The following MIPEP variants were observed in gnomAD, a reference collection of about 807,000 sequenced individuals.
MIPEP encodes the protein mitochondrial intermediate peptidase.
MIPEP carries 79 observed loss-of-function variants against 90.3 expected under a neutral mutation model. That is an observed-to-expected ratio of 0.87 (90% confidence interval 0.73 to 1.05). The LOEUF (loss-of-function observed/expected upper bound fraction) is 1.05. Among genes scored for constraint, MIPEP ranks in the 50% least tolerant of loss-of-function variants. MIPEP has a pLI of 0.00. For missense variants in MIPEP, 940 were observed against 905.6 expected, an observed-to-expected ratio of 1.04 and a Z score of -0.49; for synonymous variants, 334 against 315.8, an observed-to-expected ratio of 1.06 and a Z score of -0.61.
rs188946531 is a variant in MIPEP at position 23,795,937 on chromosome 13, A to G, written c.1848+10013T>C. Among the ~76,000 whole-genome samples the G allele has an allele frequency of 1.2e-4, 18 of 152,118 alleles. No individual in the cohort carries two copies. In the Middle Eastern group the frequency reaches 0.014, roughly 116 times the overall value. On this transcript the variant is annotated intron_variant, in intron 16 of 18. Transcript: ENST00000382172. ...GTTGAGCCTTGAGGTTAAGGCTGCAATGAGCCATAATCATGCCAATGCACT... is the reference window on the plus strand; with the variant it reads ...GTTGAGCCTTGAGGTTAAGGCTGCAGTGAGCCATAATCATGCCAATGCACT...
rs185479403 is a variant in MIPEP at position 23,888,376 on chromosome 13, G to C, written c.189+756C>G. ...AGACTTGTCTTTATAAGGCAATACA[G>C]TATAACGAAATTTTAAAAGGCAAAA... On this transcript the variant is annotated intron_variant, in intron 1 of 18. Transcript: ENST00000382172. Among the ~76,000 whole-genome samples, 17 of 152,248 alleles carry C rather than the reference G, an allele frequency of 1.1e-4. No homozygotes were observed. In the East Asian group the frequency reaches 2.7e-3, roughly 24 times the overall value.
At chr13:23,858,951 C>G in intron 9 of MIPEP, 39 bp from the exon 10 acceptor site, 1 of 1,573,930 alleles carries the variant, frequency 6.4e-7, no homozygotes, top group South Asian at 1.1e-5. Context: ...AAGCTACTGA[C>G]TCTTTCATAG....
At position 23,809,894 on chromosome 13, in the gene MIPEP, A is replaced by G. The variant is rs1323014149; in HGVS notation, c.1684T>C (p.Cys562Arg). Reference sequence around the variant, plus strand: ...GCAGCACAAACCTTTTTAGATTCACAAAGACGAGACACCATATTTTTTGGC... The same window carrying G: ...GCAGCACAAACCTTTTTAGATTCACGAAGACGAGACACCATATTTTTTGGC... ...PLPKNMVSRL[C>R]ESKKVCAAAD... Residue 562 changes from cysteine to arginine, a missense_variant, in exon 15 of 19, where the codon TGT becomes CGT. Transcript: ENST00000382172. 2.5e-6 allele frequency: 4 copies of G among 1,613,710 alleles called. No homozygotes were observed. Among genetic ancestry groups the G allele is most frequent in the Non-Finnish European group, 3.4e-6 (4 of 1,179,730 alleles).
intron 10 of MIPEP, among the ~76,000 whole-genome samples, chr13:23,849,008 T>G (rs942793031): frequency 2.0e-5 from 3 of 152,176 alleles, no homozygotes; most frequent in African/African-American, 7.2e-5. Flanking sequence ...GTGACTGCTG[T>G]GCTCTCAGCT....
In MIPEP at chr13:23,760,095, C is replaced by G; in HGVS notation, c.1970+1G>C. 6.2e-7 allele frequency: 1 copy of G among 1,614,110 alleles called. No individual in the cohort carries two copies. The highest frequency in any genetic ancestry group is 8.5e-7 in the Non-Finnish European group (1 of 1,179,992). Reference sequence around the variant, plus strand: ...GGACATTTTAGAACTTACCCCCTTACCTGTTGAAAGGATCCTGTAGAAAAC... The same window carrying G: ...GGACATTTTAGAACTTACCCCCTTAGCTGTTGAAAGGATCCTGTAGAAAAC... On this transcript the variant is annotated splice_donor_variant, in intron 17 of 18. Transcript: ENST00000382172. LOFTEE classifies it high-confidence loss of function.
At chr13:23,809,447 C>A (rs4770497) in intron 15 of MIPEP, among the ~76,000 whole-genome samples, 92,848 of 151,494 alleles carry the variant, frequency 0.61, 29,820 homozygotes, top group East Asian at 0.77. Context: ...CAGGTTCAAG[C>A]GATTCTCCTG....
At chr13:23,866,649 T>C (rs1023571636) in intron 7 of MIPEP, among the ~76,000 whole-genome samples, 1 of 152,186 alleles carries the variant, frequency 6.6e-6, no homozygotes, top group Non-Finnish European at 1.5e-5. Context: ...CAGCGTTAAC[T>C]AGCAGTTCCT....
chr13:23,795,665 T>C (rs1040050218), intron 16 of MIPEP, among the ~76,000 whole-genome samples: 2 of 152,218 alleles, frequency 1.3e-5, no homozygotes, highest in South Asian at 2.1e-4. Flanking sequence ...TACACTTTTA[T>C]ATTAACAACT....
chr13:23,850,432 T>C (rs1027106032), intron 10 of MIPEP, among the ~76,000 whole-genome samples: 2 of 152,198 alleles, frequency 1.3e-5, no homozygotes, highest in African/African-American at 2.4e-5. Flanking sequence ...GAATCCACCA[T>C]TGCTAATTTG....
At chr13:23,779,318 T>C (rs1593149203) in intron 16 of MIPEP, among the ~76,000 whole-genome samples, 1 of 152,276 alleles carries the variant, frequency 6.6e-6, no homozygotes, top group East Asian at 1.9e-4. Context: ...ATAGTATGTT[T>C]TCATTAGAAT....
chr13:23,771,209 G>A (rs1593144324), intron 16 of MIPEP, among the ~76,000 whole-genome samples: 1 of 152,182 alleles, frequency 6.6e-6, no homozygotes, highest in African/African-American at 2.4e-5. Context: ...GCTATGGCAT[G>A]GGCTAAAGGA....
At chr13:23,801,298 C>T (rs1274794040) in intron 16 of MIPEP, among the ~76,000 whole-genome samples, 1 of 152,144 alleles carries the variant, frequency 6.6e-6, no homozygotes, top group African/African-American at 2.4e-5. Context: ...TCCAGTCACC[C>T]CCACTGCACT....
intron 10 of MIPEP, among the ~76,000 whole-genome samples, chr13:23,855,036 T>A (rs144626773): frequency 6.6e-6 from 1 of 152,282 alleles, no homozygotes; most frequent in South Asian, 2.1e-4. Context: ...AAGGATACAT[T>A]AAACAACTTA....
chr13:23,813,648 G>A (rs1334824802), intron 14 of MIPEP, among the ~76,000 whole-genome samples: 2 of 152,086 alleles, frequency 1.3e-5, no homozygotes, highest in African/African-American at 4.8e-5. Flanking sequence ...CCAGGCTGGA[G>A]TGCAGTGGCA....
chr13:23,741,313 T>C (rs1377434013), intron 18 of MIPEP, among the ~76,000 whole-genome samples: 1 of 152,138 alleles, frequency 6.6e-6, no homozygotes, highest in African/African-American at 2.4e-5. Context: ...GCAATCCCAT[T>C]ACTGGTTAAT....
intron 18 of MIPEP, among the ~76,000 whole-genome samples, chr13:23,739,472 T>C (rs1340856102): frequency 6.6e-6 from 1 of 152,236 alleles, no homozygotes; most frequent in African/African-American, 2.4e-5. Flanking sequence ...AGAAGCTTCT[T>C]TCATTCTGAC....
chr13:23,862,698 G>A lies in MIPEP; in HGVS notation c.993-336C>T, dbSNP rs186400266. ...TACTTTTTGCTATACCTTTAAAAGAGACTTAACAAATTAACTCCTAGAAAG... is the reference window on the plus strand; with the variant it reads ...TACTTTTTGCTATACCTTTAAAAGAAACTTAACAAATTAACTCCTAGAAAG... On this transcript the variant is annotated intron_variant, in intron 8 of 18. Coordinates refer to ENST00000382172, the MANE Select transcript of MIPEP (RefSeq NM_005932.4). Among the ~76,000 whole-genome samples the A allele has an allele frequency of 5.3e-5, 8 of 152,248 alleles. No homozygotes were observed. In the East Asian group the frequency reaches 1.5e-3, roughly 29 times the overall value.
chr13:23,778,807 A>G (rs1369960548), intron 16 of MIPEP, among the ~76,000 whole-genome samples: 1 of 152,180 alleles, frequency 6.6e-6, no homozygotes, highest in Non-Finnish European at 1.5e-5. Flanking sequence ...TTTCAGTCAT[A>G]GTCCTGTGAT....
At chr13:23,760,477 A>C (rs1952529875) in intron 16 of MIPEP, 3 of 657,740 alleles carry the variant, frequency 4.6e-6, no homozygotes, top group Admixed American at 1.8e-5. Context: ...CACAGCCTCC[A>C]AAGACGTGAT....
Sources: allele counts gnomAD v4.1 joint callset (sites outside exome capture counted in the v4.1 genomes callset), GRCh38; gene constraint gnomAD v4.1.1; transcripts MANE v1.5; gene names NCBI Gene and HGNC (gene_info 2026-07-23, HGNC 2026-07-21).